GCN1: variants seen among roughly 807,000 people sequenced by gnomAD.
The protein encoded by GCN1 is stalled ribosome sensor GCN1.
A neutral mutation model predicts 288.4 loss-of-function variants in GCN1; 90 were observed. The ratio of observed to expected loss-of-function variants is 0.31; its 90% CI spans 0.26 to 0.37. GCN1 has a LOEUF of 0.37. GCN1 is among the 10% of genes least tolerant of loss of function. The pLI, the probability that GCN1 is intolerant of heterozygous loss-of-function variation, is 1.00. For synonymous variants in GCN1, 1,386 were observed against 1,420.2 expected, an observed-to-expected ratio of 0.98 and a Z score of 0.54; for missense variants, 2,586 against 3,419.9, an observed-to-expected ratio of 0.76 and a Z score of 6.08.
chr12:120,168,237 T>C lies in GCN1; in HGVS notation c.1583A>G (p.Glu528Gly). The C allele has an allele frequency of 1.9e-6, 3 of 1,602,136 alleles. No homozygotes were observed. Among genetic ancestry groups the C allele is most frequent in the Non-Finnish European group, 1.7e-6 (2 of 1,169,044 alleles). Residue 528 changes from glutamate to glycine, a missense_variant, in exon 16 of 58, where the codon GAG (glutamate) becomes GGG (glycine). Around this residue, in one of 8 missense-constraint regions of GCN1, gnomAD observed 913 missense variants for 1,107.0 expected, o/e 0.82. Transcript: ENST00000300648. ...CTCTGAAGCCATGACCAGGAATTTC[T>C]CAGAAGTGAAAACCTGCTTTTTCTC... ...VDEKKQVFTS[E>G]KFLVMASEDA...
chr12:120,177,992 C>T (rs1303213874), intron 7 of GCN1, among the ~76,000 whole-genome samples: 1 of 152,156 alleles, frequency 6.6e-6, no homozygotes, highest in South Asian at 2.1e-4. Context: ...GCCCACCACT[C>T]AGCTGGCTGC....
chr12:120,174,715 C>G (rs549673097), intron 12 of GCN1, among the ~76,000 whole-genome samples: 1 of 141,406 alleles, frequency 7.1e-6, no homozygotes, highest in Non-Finnish European at 1.5e-5. Context: ...TGCTTGAACC[C>G]GGGAGGCAGA....
chr12:120,191,041 C>T (rs1878987569), intron 1 of GCN1, among the ~76,000 whole-genome samples: 2 of 152,178 alleles, frequency 1.3e-5, no homozygotes, highest in Non-Finnish European at 2.9e-5. Flanking sequence ...ACAATAGCAG[C>T]TACCTCATAT....
chr12:120,141,086 A>C, intron 44 of GCN1, 63 bp from the exon 45 acceptor site: 2 of 1,436,208 alleles, frequency 1.4e-6, no homozygotes, highest in Non-Finnish European at 1.9e-6. Flanking sequence ...CCAGAGGAGG[A>C]CTCCAGAATG....
intron 57 of GCN1, 30 bp from the exon 58 acceptor site, chr12:120,128,004 T>C (rs367727706): frequency 2.0e-4 from 317 of 1,611,260 alleles, no homozygotes; most frequent in Non-Finnish European, 2.6e-4. Flanking sequence ...GGAGGAAACA[T>C]AGTCAGAACA....
Position 120,184,140 on chromosome 12 carries a change from C to T in GCN1, c.289G>A (p.Gly97Ser). 1 of 1,613,854 alleles carries T rather than the reference C, an allele frequency of 6.2e-7. No individual in the cohort carries two copies. The highest frequency in any genetic ancestry group is 8.5e-7 in the Non-Finnish European group (1 of 1,179,832). ...GGAACACCTGCTTTGGAGCCTATAC[C>T]AGAAGACTGCAGAGAGTGTAGAAGG... ...KNLLHSLQSS[G>S]IGSKAGVPSK... Residue 97 changes from glycine to serine, a missense_variant, in exon 4 of 58, where the codon GGT becomes AGT. Physicochemically the swap from Gly to Ser is moderately conservative, Grantham distance 56. This residue lies in a region of GCN1 where 913 missense variants were observed against 1,107.0 expected (regional missense o/e 0.82). Coordinates refer to ENST00000300648, the MANE Select transcript of GCN1 (RefSeq NM_006836.2).
intron 10 of GCN1, 110 bp downstream of exon 10, chr12:120,176,032 AG>A: frequency 7.9e-7 from 1 of 1,266,260 alleles, no homozygotes. Flanking sequence ...AGTTTAGGTT[AG>A]GGCCTTATTA....
chr12:120,146,525 C>CTGG (rs1011648475), intron 38 of GCN1, among the ~76,000 whole-genome samples: 1 of 151,926 alleles, frequency 6.6e-6, no homozygotes, highest in Non-Finnish European at 1.5e-5. Flanking sequence ...GCCACCAAGC[C>CTGG]TGGTCTGTTT....
At chr12:120,143,351 G>C (rs1305750288) in intron 42 of GCN1, among the ~76,000 whole-genome samples, 1 of 152,172 alleles carries the variant, frequency 6.6e-6, no homozygotes, top group Non-Finnish European at 1.5e-5. Context: ...GGGAGGCCAA[G>C]GCAGGCGGAT....
chr12:120,154,992 G>T lies in GCN1; in HGVS notation c.3679C>A (p.Pro1227Thr). 2.5e-6 allele frequency: 4 copies of T among 1,613,866 alleles called. No individual in the cohort carries two copies. The highest frequency in any genetic ancestry group is 3.4e-6 in the Non-Finnish European group (4 of 1,179,692). Residue 1227 changes from proline (P) to threonine (T), a missense_variant, in exon 31 of 58, where the codon CCT becomes ACT. Pro to Thr is a conservative substitution (Grantham distance 38). Coordinates refer to ENST00000300648, the MANE Select transcript of GCN1 (RefSeq NM_006836.2). ...TACCTGGCTTCCCACTGATCTGGAG[G>T]AGATTCTGAAATAACTCGTCCCAAA... ...DALGRVISES[P>T]PDQWEARCGL...
At chr12:120,138,279 A>G (rs777700551) in intron 47 of GCN1, 44 bp downstream of exon 47, 2 of 1,257,378 alleles carry the variant, frequency 1.6e-6, no homozygotes, top group Admixed American at 1.7e-5. Context: ...TGGAAATGTC[A>G]ATGCCCTGGA....
rs1289093586 is a variant in GCN1, at chr12:120,158,087, G to T, written c.2906-57C>A. The stretch of plus-strand genomic sequence containing the variant: ...AGGCAGGGCAGGGACCCGGGCCACT[G>T]CTGCCTATTTCTATCCTCAGGGAAA... On this transcript the variant is annotated intron_variant, in intron 25 of 57. Transcript: ENST00000300648. This position sits in a 1 kb window ranked among gnomAD's most constrained non-coding sequence, Gnocchi z 4.3. The T allele has an allele frequency of 1.3e-6, 2 of 1,538,966 alleles. No individual in the cohort carries two copies. Among genetic ancestry groups the T allele is most frequent in the Non-Finnish European group, 1.8e-6 (2 of 1,120,386 alleles).
chr12:120,130,572 T>TG, intron 56 of GCN1, 74 bp downstream of exon 56: 1 of 955,148 alleles, frequency 1.0e-6, no homozygotes, highest in South Asian at 1.3e-5. Flanking sequence ...GGCGCACTGC[T>TG]GGTGGTCTCT....
chr12:120,137,236 C>G lies in GCN1; in HGVS notation c.6747G>C (p.Glu2249Asp). 4 of 1,614,140 alleles carry G rather than the reference C, an allele frequency of 2.5e-6. No individual in the cohort carries two copies. Among genetic ancestry groups the G allele is most frequent in the Non-Finnish European group, 3.4e-6 (4 of 1,179,984 alleles). ...TCGGGAGGCAGAATCCTGGCACATG[C>G]TCGCCTTTGCTCTCGTTCCCTATGA... is the stretch of plus-strand genomic sequence containing the variant. ...IRLIGNESKG[E>D]HVPGFCLPKK... The change falls in exon 50 of 58, where the codon GAG (glutamate) becomes GAC (aspartate). Residue 2249 changes from glutamate to aspartate, a missense_variant. Physicochemically the swap from Glu to Asp is conservative, Grantham distance 45. Transcript: ENST00000300648. This position sits in a 1 kb window ranked among gnomAD's most constrained non-coding sequence, Gnocchi z 5.2.
At position 120,160,129 on chromosome 12, in the gene GCN1, G is replaced by T; in HGVS notation, c.2550+13C>A. On this transcript the variant is annotated intron_variant, in intron 23 of 57. Coordinates refer to ENST00000300648, the MANE Select transcript of GCN1 (RefSeq NM_006836.2). The stretch of plus-strand genomic sequence containing the variant: ...TCTTCCGGCTTGAGCATGTGGCGGA[G>T]GTGGCCACTCACCTCCTGCAGCCGC... 1 of 1,600,962 alleles carries T rather than the reference G, an allele frequency of 6.2e-7. No individual in the cohort carries two copies. Among genetic ancestry groups the T allele is most frequent in the South Asian group, 1.1e-5 (1 of 90,840 alleles).
chr12:120,158,562 C>T lies in GCN1; in HGVS notation c.2803G>A (p.Asp935Asn). The change falls in exon 25 of 58, where the codon GAT becomes AAT. Residue 935 changes from aspartate (D) to asparagine (N), a missense_variant. This residue lies in a region of GCN1 where 153 missense variants were observed against 252.0 expected (regional missense o/e 0.61). Transcript: ENST00000300648. The surrounding 1 kb of genome is among the most constrained non-coding windows in gnomAD (Gnocchi z 4.3). ...LRLLKPECVL[D>N]KSWCQEELSV... ...AGCTCTTCCTGGCACCAGGACTTAT[C>T]CAGGACACACTCTGGCTTCAGCAGG... 1.9e-6 allele frequency: 3 copies of T among 1,606,160 alleles called. No homozygotes were observed. The highest frequency in any genetic ancestry group is 2.6e-6 in the Non-Finnish European group (3 of 1,176,320).
intron 54 of GCN1, 82 bp downstream of exon 54, chr12:120,131,844 G>C: frequency 1.2e-6 from 1 of 831,304 alleles, no homozygotes; most frequent in Non-Finnish European, 2.0e-6. Flanking sequence ...GATCCTCTGA[G>C]GGAGGGAGGG....
chr12:120,178,515 G>C (rs748586307), intron 7 of GCN1, 110 bp downstream of exon 7: 116 of 1,073,892 alleles, frequency 1.1e-4, no homozygotes, highest in Non-Finnish European at 1.3e-4. Flanking sequence ...TTTCAGATAA[G>C]GTCAACAGCT....
chr12:120,141,440 A>T (rs1036923212), intron 44 of GCN1, among the ~76,000 whole-genome samples: 1 of 152,206 alleles, frequency 6.6e-6, no homozygotes, highest in Non-Finnish European at 1.5e-5. Flanking sequence ...TTTAGAGCCA[A>T]ATACACAATT....
Sources: allele counts gnomAD v4.1 joint callset (sites outside exome capture counted in the v4.1 genomes callset), GRCh38; gene constraint gnomAD v4.1.1; regional missense constraint gnomAD v4.1.1; non-coding constraint Gnocchi (gnomAD v3.1); transcripts MANE v1.5; gene names NCBI Gene and HGNC (gene_info 2026-07-23, HGNC 2026-07-21).